Variants in AADAT observed in about 807,000 individuals in gnomAD.
AADAT encodes kynurenine/alpha-aminoadipate aminotransferase, mitochondrial.
Under a neutral mutation model 56.2 loss-of-function variants are expected in AADAT, and 25 were observed. That is an observed-to-expected ratio of 0.44 (90% CI 0.32 to 0.62). The LOEUF is 0.62. AADAT is among the 20% of genes least tolerant of loss of function. AADAT has a pLI of 0.04. For missense variants in AADAT, 387 were observed against 510.5 expected, an observed-to-expected ratio of 0.76 and a Z score of 2.33; for synonymous variants, 173 against 164.7, an observed-to-expected ratio of 1.05 and a Z score of -0.39.
chr4:170,064,877 GA>G (rs1554006434), intron 10 of AADAT, 52 bp from the exon 11 acceptor site: 1 of 1,497,924 alleles, frequency 6.7e-7, no homozygotes, highest in Non-Finnish European at 9.2e-7. Flanking sequence ...CATTTTTGAT[GA>G]TATCAAAGTG....
At chr4:170,062,018 T>C in intron 11 of AADAT, 25 bp from the exon 12 acceptor site, 1 of 1,517,660 alleles carries the variant, frequency 6.6e-7, no homozygotes, top group Non-Finnish European at 9.1e-7. Flanking sequence ...GGAAGATAAG[T>C]AATGTACCAC....
chr4:170,076,935 A>C (rs1443686771), intron 4 of AADAT, among the ~76,000 whole-genome samples: 1 of 152,174 alleles, frequency 6.6e-6, no homozygotes, highest in Non-Finnish European at 1.5e-5. Flanking sequence ...GTGGAAATCC[A>C]GTTGTCCCAG....
At position 170,073,133 on chromosome 4, in the gene AADAT, T is replaced by C. The variant is rs747917582; in HGVS notation, c.654+3A>G. On this transcript the variant is annotated splice_donor_region_variant and intron_variant, in intron 5 of 12. Coordinates refer to ENST00000337664, the MANE Select transcript of AADAT (RefSeq NM_016228.4). The stretch of plus-strand genomic sequence containing the variant: ...ACTACTTTAACCCATTCTTCTACAA[T>C]ACCTCATAGATTTCCTTTTTGCGTT... 1.9e-6 allele frequency: 3 copies of C among 1,613,558 alleles called. No homozygotes were observed. In the African/African-American group the frequency reaches 4.0e-5, roughly 22 times the overall value.
At chr4:170,089,464 C>T (rs1444535883) in intron 1 of AADAT, 160 bp downstream of exon 1, 6 of 771,586 alleles carry the variant, frequency 7.8e-6, no homozygotes, top group Admixed American at 2.4e-5. Flanking sequence ...AGAACAAAGG[C>T]TGTGTCTATT....
chr4:170,078,457 T>G (rs1001199453), intron 4 of AADAT, 52 bp downstream of exon 4: 29 of 1,072,708 alleles, frequency 2.7e-5, no homozygotes, highest in Non-Finnish European at 3.9e-5. Context: ...TATTATAAGT[T>G]TTCTTCTTAT....
Position 170,087,249 on chromosome 4 carries a change from C to A in AADAT, c.237-1G>T. ...TAGCCAGGACAAAAGCTCTGGAATT[C>A]TAAAGCAAAAAATGTATATTTAAAT... On this transcript the variant is annotated splice_acceptor_variant, in intron 2 of 12. Coordinates refer to ENST00000337664, the MANE Select transcript of AADAT (RefSeq NM_016228.4). LOFTEE classifies it high-confidence loss of function. 1 of 1,605,866 alleles carries A rather than the reference C, an allele frequency of 6.2e-7. No individual in the cohort carries two copies. Among genetic ancestry groups the A allele is most frequent in the Admixed American group, 1.7e-5 (1 of 57,828 alleles).
intron 11 of AADAT, among the ~76,000 whole-genome samples, chr4:170,062,998 T>C (rs1731266864): frequency 6.6e-6 from 1 of 152,154 alleles, no homozygotes; most frequent in African/African-American, 2.4e-5. Flanking sequence ...TCTGTGGTGG[T>C]TAGGGTTGAC....
intron 6 of AADAT, among the ~76,000 whole-genome samples, chr4:170,069,986 A>G (rs1335059979): frequency 1.3e-5 from 2 of 152,196 alleles, no homozygotes; most frequent in Non-Finnish European, 2.9e-5. Flanking sequence ...GGTAGCTCAC[A>G]TACATGATAG....
rs1188444982 is a variant in AADAT, at chr4:170,069,153, G to C, written c.798C>G (p.Ser266=). ...IRADSFSKII[S]SGLRIGFLTG... is the part of the protein sequence containing the mutation. ...TTAGAGACACAGGGCCTTACCCAGA[G>C]GAAATGATTTTTGAAAAAGAGTCAG... Residue 266 remains serine (S), a synonymous_variant, in exon 7 of 13, where the codon TCC becomes TCG. Coordinates refer to ENST00000337664, the MANE Select transcript of AADAT (RefSeq NM_016228.4). 2 of 1,613,250 alleles carry C rather than the reference G, an allele frequency of 1.2e-6. No homozygotes were observed. Among genetic ancestry groups the C allele is most frequent in the South Asian group, 2.2e-5 (2 of 90,994 alleles).
At chr4:170,081,432 A>G (rs1732304929) in intron 3 of AADAT, among the ~76,000 whole-genome samples, 1 of 152,184 alleles carries the variant, frequency 6.6e-6, no homozygotes, top group African/African-American at 2.4e-5. Flanking sequence ...TGAGAGAGAT[A>G]AATATCCAGG....
Position 170,068,685 on chromosome 4 carries a change from A to T in AADAT, c.806T>A (p.Leu269Ter). ...DSFSKIISSG[L>*]RIGFLTGPKP... ...TGGACCAGTTAAAAATCCTATTCTC[A>T]ACCTACGTGGAAAGAGAAAAGGCAC... Residue 269 changes from leucine (L) to a stop codon, truncating the protein, a stop_gained and splice_region_variant, in exon 8 of 13, where the codon TTG (leucine) becomes TAG (stop). Transcript: ENST00000337664. LOFTEE classifies it high-confidence loss of function. 6.3e-7 allele frequency: 1 copy of T among 1,582,654 alleles called. No homozygotes were observed. The highest frequency in any genetic ancestry group is 8.6e-7 in the Non-Finnish European group (1 of 1,168,936).
At chr4:170,091,019 G>T (rs1732801772), upstream of AADAT, among the ~76,000 whole-genome samples, 1 of 152,234 alleles carries the variant, frequency 6.6e-6, no homozygotes, top group Non-Finnish European at 1.5e-5. Context: ...AAATCTTTGT[G>T]CTAGCAGCTA....
At chr4:170,066,904 T>C (rs113444460) in intron 9 of AADAT, among the ~76,000 whole-genome samples, 15 of 152,346 alleles carry the variant, frequency 9.8e-5, no homozygotes, top group African/African-American at 3.4e-4. Flanking sequence ...ACAGCTAAAG[T>C]AATCCATAAC....
intron 4 of AADAT, 76 bp from the exon 5 acceptor site, chr4:170,073,421 T>C: frequency 1.5e-6 from 2 of 1,318,898 alleles, no homozygotes; most frequent in Non-Finnish European, 2.1e-6. Context: ...TTTTTCTTTC[T>C]AACTAAGAAC....
upstream of AADAT, among the ~76,000 whole-genome samples, chr4:170,093,314 C>T (rs917880886): frequency 5.3e-5 from 8 of 152,090 alleles, no homozygotes; most frequent in African/African-American, 1.9e-4. Flanking sequence ...CCTGTAATCT[C>T]AGCCACTCGG....
At chr4:170,063,584 G>A (rs539204032) in intron 11 of AADAT, among the ~76,000 whole-genome samples, 1 of 152,366 alleles carries the variant, frequency 6.6e-6, no homozygotes, top group Admixed American at 6.5e-5. Flanking sequence ...TGAAGTCTGA[G>A]TCCTGCCCTC....
intron 4 of AADAT, among the ~76,000 whole-genome samples, chr4:170,073,792 C>G (rs1363279456): frequency 6.6e-6 from 1 of 152,178 alleles, no homozygotes; most frequent in African/African-American, 2.4e-5. Flanking sequence ...AGCTGCCACG[C>G]CCCTGGGGCA....
chr4:170,078,161 G>A (rs979268172), intron 4 of AADAT, among the ~76,000 whole-genome samples: 3 of 152,070 alleles, frequency 2.0e-5, no homozygotes, highest in African/African-American at 7.2e-5. Flanking sequence ...TATGCATATG[G>A]TAATAAGATA....
At chr4:170,087,327 A>G (rs1732612860) in intron 2 of AADAT, 79 bp from the exon 3 acceptor site, 1 of 1,331,380 alleles carries the variant, frequency 7.5e-7, no homozygotes, top group Non-Finnish European at 1.0e-6. Flanking sequence ...AATAAATGAC[A>G]GCTTTATCAA....
Sources: allele counts gnomAD v4.1 joint callset (sites outside exome capture counted in the v4.1 genomes callset), GRCh38; gene constraint gnomAD v4.1.1; transcripts MANE v1.5; gene names NCBI Gene and HGNC (gene_info 2026-07-23, HGNC 2026-07-21).